TSHZ2: variants seen among roughly 807,000 people sequenced by gnomAD.
The protein encoded by TSHZ2 is teashirt zinc finger homeobox 2.
In TSHZ2, 21 loss-of-function variants were observed where a neutral mutation model predicts 74.4. That is an observed-to-expected ratio of 0.28 (90% confidence interval 0.20 to 0.41). The LOEUF (loss-of-function observed/expected upper bound fraction) is 0.41. Among genes scored for constraint, TSHZ2 ranks in the 10% least tolerant of loss-of-function variants. The pLI is 1.00. For missense variants in TSHZ2, 1,244 were observed against 1,293.5 expected (o/e 0.96, Z 0.59); for synonymous variants, 540 against 515.3 (o/e 1.05, Z -0.65).
chr20:53,040,074 C>G (rs1293449092), intron 1 of TSHZ2, among the ~76,000 whole-genome samples: 2 of 152,124 alleles, frequency 1.3e-5, no homozygotes, highest in Admixed American at 6.5e-5. Flanking sequence ...CCACTGCACT[C>G]CAGCCTGGAG....
intron 2 of TSHZ2, among the ~76,000 whole-genome samples, chr20:53,264,057 C>T (rs1990659057): frequency 6.6e-6 from 1 of 152,194 alleles, no homozygotes; most frequent in Non-Finnish European, 1.5e-5. Context: ...TTATATAAAT[C>T]TTTTGCCTTC....
intron 2 of TSHZ2, among the ~76,000 whole-genome samples, chr20:53,446,916 T>C (rs1057249291): frequency 6.6e-6 from 1 of 152,178 alleles, no homozygotes. Flanking sequence ...CTTCACTCTC[T>C]TGCCCCTAAG....
intron 2 of TSHZ2, among the ~76,000 whole-genome samples, chr20:53,294,570 T>C (rs542404794): frequency 7.2e-5 from 11 of 151,876 alleles, no homozygotes; most frequent in African/African-American, 2.4e-4. Flanking sequence ...TACAACTGAG[T>C]CATAAGTTTT....
intron 2 of TSHZ2, among the ~76,000 whole-genome samples, chr20:53,291,321 A>C (rs2145458070): frequency 6.6e-6 from 1 of 152,144 alleles, no homozygotes; most frequent in East Asian, 1.9e-4. Flanking sequence ...AAAATACACA[A>C]AATTAGCTGG....
At chr20:53,439,285 T>C (rs1341353620) in intron 2 of TSHZ2, among the ~76,000 whole-genome samples, 1 of 152,172 alleles carries the variant, frequency 6.6e-6, no homozygotes, top group African/African-American at 2.4e-5. Context: ...AATCCTTCCA[T>C]CTGGAGTCAG....
At chr20:53,290,954 A>G (rs1017151313) in intron 2 of TSHZ2, among the ~76,000 whole-genome samples, 11 of 152,222 alleles carry the variant, frequency 7.2e-5, no homozygotes, top group African/African-American at 2.4e-4. Context: ...AGGGGTTGCA[A>G]TGGAGACTGT....
intron 1 of TSHZ2, among the ~76,000 whole-genome samples, chr20:53,044,716 T>TC (rs1984163932): frequency 6.6e-6 from 1 of 152,098 alleles, no homozygotes; most frequent in East Asian, 1.9e-4. Context: ...TTTCTTTCTT[T>TC]GTTTGTTTTT....
Position 53,255,618 on chromosome 20 carries a change from C to A in TSHZ2, c.2160C>A (p.Ser720Arg). 1.3e-6 allele frequency: 2 copies of A among 1,582,568 alleles called. No homozygotes were observed. Among genetic ancestry groups the A allele is most frequent in the Admixed American group, 1.8e-5 (1 of 56,444 alleles). ...TEPLRSPSCS[S>R]PSSSTISMFH... ...CCTTGCGCTCACCTTCCTGCTCCAGCCCAAGTTCAAGCACAATTTCCATGT... is the reference window on the plus strand; with the variant it reads ...CCTTGCGCTCACCTTCCTGCTCCAGACCAAGTTCAAGCACAATTTCCATGT... The change falls in exon 2 of 3, where the codon AGC becomes AGA. Residue 720 changes from serine to arginine, a missense_variant. By Grantham distance (110) the Ser-to-Arg change is moderately radical (BLOSUM62 -1). Transcript: ENST00000371497. The surrounding 1 kb of genome is among the most constrained non-coding windows in gnomAD (Gnocchi z 4.1).
At chr20:53,232,816 C>A (rs1989858648) in intron 1 of TSHZ2, among the ~76,000 whole-genome samples, 2 of 152,118 alleles carry the variant, frequency 1.3e-5, no homozygotes, top group Admixed American at 1.3e-4. Context: ...AGCACTTTTA[C>A]CTTTTTCATC....
At chr20:53,387,207 A>G (rs1003106415) in intron 2 of TSHZ2, among the ~76,000 whole-genome samples, 2 of 152,120 alleles carry the variant, frequency 1.3e-5, no homozygotes, top group Non-Finnish European at 1.5e-5. Flanking sequence ...CTCACTTTCC[A>G]CTAACAAACT....
chr20:53,275,946 A>AAAACT (rs1990937757), intron 2 of TSHZ2, among the ~76,000 whole-genome samples: 1 of 152,176 alleles, frequency 6.6e-6, no homozygotes, highest in Admixed American at 6.5e-5. Flanking sequence ...ACAAACAAAC[A>AAAACT]AAACTATTCA....
chr20:53,447,881 C>T (rs1984614871), intron 2 of TSHZ2, among the ~76,000 whole-genome samples: 1 of 151,926 alleles, frequency 6.6e-6, no homozygotes, highest in Non-Finnish European at 1.5e-5. Context: ...GCCAAATCAC[C>T]AAGACAGTGA....
intron 2 of TSHZ2, among the ~76,000 whole-genome samples, chr20:53,459,180 G>A (rs756208357): frequency 1.3e-5 from 2 of 152,148 alleles, no homozygotes; most frequent in Admixed American, 6.5e-5. Flanking sequence ...CATTATTAAC[G>A]TGTGGGAGTC....
At chr20:53,012,090 A>G (rs1982872790) in intron 1 of TSHZ2, among the ~76,000 whole-genome samples, 2 of 152,160 alleles carry the variant, frequency 1.3e-5, no homozygotes, top group Admixed American at 1.3e-4. Context: ...ATGGCCCATG[A>G]CTGTTCAGAG....
intron 2 of TSHZ2, among the ~76,000 whole-genome samples, chr20:53,452,247 G>A (rs1984817314): frequency 6.6e-6 from 1 of 152,182 alleles, no homozygotes; most frequent in African/African-American, 2.4e-5. Flanking sequence ...GTTCAAGGGA[G>A]AATTTGAGCC....
intron 1 of TSHZ2, among the ~76,000 whole-genome samples, chr20:53,087,078 T>C (rs1328529038): frequency 1.3e-5 from 2 of 152,144 alleles, no homozygotes; most frequent in Admixed American, 6.5e-5. Flanking sequence ...AAACAAGCCA[T>C]GTGATGATCT....
At chr20:53,201,099 G>A (rs1320909398) in intron 1 of TSHZ2, among the ~76,000 whole-genome samples, 2 of 152,040 alleles carry the variant, frequency 1.3e-5, no homozygotes, top group Non-Finnish European at 2.9e-5. Context: ...CTGGGGTAGG[G>A]ACTTTTTACT....
chr20:53,055,448 G>A (rs1984609002), intron 1 of TSHZ2, among the ~76,000 whole-genome samples: 1 of 152,186 alleles, frequency 6.6e-6, no homozygotes, highest in South Asian at 2.1e-4. Context: ...TACTTATTAA[G>A]AGAAAAGTTT....
intron 1 of TSHZ2, among the ~76,000 whole-genome samples, chr20:53,242,008 CTT>C (rs1041893146): frequency 1.6e-4 from 24 of 152,160 alleles, no homozygotes; most frequent in African/African-American, 5.5e-4. Flanking sequence ...GAACCACTCT[CTT>C]TTAATAATAG....
Sources: allele counts gnomAD v4.1 joint callset (sites outside exome capture counted in the v4.1 genomes callset), GRCh38; gene constraint gnomAD v4.1.1; non-coding constraint Gnocchi (gnomAD v3.1); transcripts MANE v1.5; gene names NCBI Gene and HGNC (gene_info 2026-07-23, HGNC 2026-07-21).